Variants in NEB observed in about 807,000 individuals in gnomAD.
The protein encoded by NEB is nemaline myopathy type 2.
NEB carries 512 observed loss-of-function variants against 952.2 expected under a neutral mutation model. The observed-to-expected ratio is 0.54, with a 90% CI of 0.50 to 0.58. NEB has a LOEUF of 0.58. Ranked by LOEUF, NEB falls within the 20% of genes least tolerant of loss-of-function variation. The pLI, the probability that NEB is intolerant of heterozygous loss-of-function variation, is 0.00. For synonymous variants in NEB, 2,900 were observed against 3,149.8 expected (o/e 0.92, Z 2.66); for missense variants, 8,428 against 9,231.1 (o/e 0.91, Z 3.56).
chr2:151,695,393 G>A (rs2099588856), intron 18 of NEB, among the ~76,000 whole-genome samples, 185 bp downstream of exon 18: 1 of 152,162 alleles, frequency 6.6e-6, no homozygotes, highest in African/African-American at 2.4e-5. Context: ...TTACTTATAA[G>A]ATTGCTACAC....
Position 151,497,649 on chromosome 2 carries a change from G to C in NEB, c.24277C>G (p.His8093Asp). The change falls in exon 171 of 182, where the codon CAC (histidine) becomes GAC (aspartate). Residue 8093 changes from histidine to aspartate, a missense_variant. His to Asp is a moderately conservative substitution (Grantham distance 81, BLOSUM62 -1). Transcript: ENST00000397345. ...ACCGAGCTAATATTTTCTTGATTGT[G>C]TTTGACTCTTTCCATCTCGGGAGTG... Reference protein sequence around the residue: ...PVTPEMERVKHNQENISSVLY... With the variant: ...PVTPEMERVKDNQENISSVLY... 1 of 1,581,316 alleles carries C rather than the reference G, an allele frequency of 6.3e-7. No homozygotes were observed. Among genetic ancestry groups the C allele is most frequent in the South Asian group, 1.2e-5 (1 of 86,724 alleles).
chr2:151,661,871 C>A (rs938964869), intron 46 of NEB, among the ~76,000 whole-genome samples: 2 of 152,074 alleles, frequency 1.3e-5, no homozygotes, highest in Non-Finnish European at 2.9e-5. Context: ...AAACAGGACT[C>A]ATTTTCAAGA....
intron 38 of NEB, among the ~76,000 whole-genome samples, chr2:151,670,425 CCATACAGACGTGTCTCAGAATGAGA>C (rs59941666): frequency 0.17 from 26,081 of 150,296 alleles, 3,001 homozygotes; most frequent in East Asian, 0.43. Flanking sequence ...GAATAAGAGT[CCATACAGACGTGTCTCAGAATGAGA>C]CATACAGACG....
Position 151,569,307 on chromosome 2 carries a change from G to A in NEB, c.17496C>T (p.Ser5832=), listed in dbSNP as rs746291431. ...GIGWMPNDSV[S]VNHAKHAADI... ...CCGCGGCATGTTTGGCATGATTGAC[G>A]GACACGGAGTCATTTGGCATCCACC... The change falls in exon 110 of 182, where the codon TCC becomes TCT. Residue 5832 remains serine, a synonymous_variant. Transcript: ENST00000397345. The A allele has an allele frequency of 2.3e-5, 37 of 1,613,726 alleles. No homozygotes were observed. Among genetic ancestry groups the A allele is most frequent in the Admixed American group, 6.7e-5 (4 of 59,990 alleles).
At chr2:151,571,679 T>C (rs958257815) in intron 107 of NEB, among the ~76,000 whole-genome samples, 5 of 152,252 alleles carry the variant, frequency 3.3e-5, no homozygotes, top group African/African-American at 1.2e-4. Flanking sequence ...TAGTGACTGA[T>C]TTACAAGTAT....
chr2:151,531,042 G>C lies in NEB; in HGVS notation c.21582C>G (p.Asp7194Glu). 1.2e-6 allele frequency: 2 copies of C among 1,613,560 alleles called. No individual in the cohort carries two copies. The highest frequency in any genetic ancestry group is 1.7e-6 in the Non-Finnish European group (2 of 1,179,682). ...TGCGGACATGCAGCAACATGGGTGTGTCGTGGATTGTGGTGTAGCCTCTGG... is the reference window on the plus strand; with the variant it reads ...TGCGGACATGCAGCAACATGGGTGTCTCGTGGATTGTGGTGTAGCCTCTGG... ...AKPRGYTTIH[D>E]TPMLLHVRKV... The change falls in exon 145 of 182, where the codon GAC (aspartate) becomes GAG (glutamate). Residue 7194 changes from aspartate (D) to glutamate (E), a missense_variant. Coordinates refer to ENST00000397345, the MANE Select transcript of NEB (RefSeq NM_001164508.2).
chr2:151,710,558 A>G lies in NEB; in HGVS notation c.823-20T>C. 1 of 1,471,026 alleles carries G rather than the reference A, an allele frequency of 6.8e-7. No homozygotes were observed. Among genetic ancestry groups the G allele is most frequent in the Non-Finnish European group, 9.4e-7 (1 of 1,059,852 alleles). The allele number at this position is 1,471,026 out of a possible 1,614,324, so 91.1% of individuals were successfully genotyped here. Reference sequence around the variant, plus strand: ...TTTTTGCTAGAAAAAAGAAAAAGAAAATAAGACAAGCATAACTCATGAATT... The same window carrying G: ...TTTTTGCTAGAAAAAAGAAAAAGAAGATAAGACAAGCATAACTCATGAATT... On this transcript the variant is annotated intron_variant, in intron 10 of 181. Coordinates refer to ENST00000397345, the MANE Select transcript of NEB (RefSeq NM_001164508.2).
At chr2:151,659,557 T>G (rs2099123824) in intron 46 of NEB, among the ~76,000 whole-genome samples, 1 of 152,148 alleles carries the variant, frequency 6.6e-6, no homozygotes, top group Non-Finnish European at 1.5e-5. Flanking sequence ...TGCCTTCACC[T>G]TCCAAAGTGC....
Position 151,498,240 on chromosome 2 carries a change from C to T in NEB, c.24207+20G>A. The T allele has an allele frequency of 6.4e-7, 1 of 1,550,524 alleles. No individual in the cohort carries two copies. The highest frequency in any genetic ancestry group is 8.7e-7 in the Non-Finnish European group (1 of 1,146,154). On this transcript the variant is annotated intron_variant, in intron 170 of 181. Coordinates refer to ENST00000397345, the MANE Select transcript of NEB (RefSeq NM_001164508.2). ...ATTCTGAAGTTAAGTGGCATTTTTTCCCCTTTCTTTCCAAAATACCGAGCT... is the reference window on the plus strand; with the variant it reads ...ATTCTGAAGTTAAGTGGCATTTTTTTCCCTTTCTTTCCAAAATACCGAGCT...
At chr2:151,556,989 TAGA>T (rs1342279524) in intron 124 of NEB, among the ~76,000 whole-genome samples, 23 of 152,158 alleles carry the variant, frequency 1.5e-4, no homozygotes, top group Non-Finnish European at 3.1e-4. Context: ...ATTCAAAAGC[TAGA>T]AGAAGACAAG....
intron 38 of NEB, among the ~76,000 whole-genome samples, chr2:151,670,422 A>ACGT: frequency 7.0e-6 from 1 of 143,706 alleles, no homozygotes; most frequent in African/African-American, 2.8e-5. Context: ...AAAGAATAAG[A>ACGT]GTCCATACAG....
At chr2:151,577,135 T>C (rs1458338057) in intron 105 of NEB, among the ~76,000 whole-genome samples, 1 of 152,192 alleles carries the variant, frequency 6.6e-6, no homozygotes, top group Non-Finnish European at 1.5e-5. Flanking sequence ...GAATGATCTT[T>C]TCAAAATTCA....
chr2:151,499,484 G>T, intron 168 of NEB, 94 bp from the exon 169 acceptor site: 1 of 692,962 alleles, frequency 1.4e-6, no homozygotes, highest in Non-Finnish European at 2.6e-6. Context: ...AACTACAGAC[G>T]TCAGACAGAA....
At chr2:151,616,892 A>C (rs6720169) in intron 75 of NEB, among the ~76,000 whole-genome samples, 79,209 of 152,046 alleles carry the variant, frequency 0.52, 22,678 homozygotes, top group Admixed American at 0.67. Context: ...AATGATTCAT[A>C]TATGGACCTG....
At position 151,502,930 on chromosome 2, in the gene NEB, C is replaced by T. The variant is rs62167161; in HGVS notation, c.23836-45G>A. ...ACCCAGAGGACATTTAAAACAGGCA[C>T]AGAGAGTAAGGAAGGAAGGAAATGG... On this transcript the variant is annotated intron_variant, in intron 166 of 181. Transcript: ENST00000397345. 4.5e-3 allele frequency: 5,465 copies of T among 1,213,252 alleles called. 14 individuals carry two copies. Among genetic ancestry groups the T allele is most frequent in the Non-Finnish European group, 5.6e-3 (4,677 of 839,200 alleles). 75.2% of individuals were successfully genotyped at this position (1,213,252 alleles called of 1,614,324 possible).
rs1486641902 is a variant in NEB at position 151,610,143 on chromosome 2, G to T, written c.12019-23C>A. ...GTACTAAAATGCCAGAAATACAGGT[G>T]GAGACATCCAGTTTTAAAACCATGC... is the stretch of plus-strand genomic sequence containing the variant. On this transcript the variant is annotated intron_variant, in intron 80 of 181. Transcript: ENST00000397345. The T allele has an allele frequency of 2.5e-6, 4 of 1,573,198 alleles. 1 individual carries two copies. In the South Asian group the frequency reaches 4.7e-5, roughly 18 times the overall value.
chr2:151,630,836 G>A lies in NEB; in HGVS notation c.9619-17C>T. 1 of 1,544,192 alleles carries A rather than the reference G, an allele frequency of 6.5e-7. No individual in the cohort carries two copies. Among genetic ancestry groups the A allele is most frequent in the South Asian group, 1.2e-5 (1 of 82,570 alleles). On this transcript the variant is annotated splice_polypyrimidine_tract_variant and intron_variant, in intron 66 of 181. Coordinates refer to ENST00000397345, the MANE Select transcript of NEB (RefSeq NM_001164508.2). The stretch of plus-strand genomic sequence containing the variant: ...GTATAAACGCTATAAAAGAAGATAA[G>A]ATGCTGATTAAAAATCATTTGAAAT...
chr2:151,486,730 C>T (rs1343103985), intron 181 of NEB: 2 of 152,050 alleles, frequency 1.3e-5, no homozygotes, highest in African/African-American at 2.4e-5. Context: ...GGATGAACTT[C>T]AAAAGTAAAG....
intron 4 of NEB, 38 bp downstream of exon 4, chr2:151,729,577 T>C: frequency 6.2e-7 from 1 of 1,606,942 alleles, no homozygotes; most frequent in Non-Finnish European, 8.5e-7. Flanking sequence ...CCTGCTTTAA[T>C]GAGAATGCAG....
Sources: gnomAD v4.1 joint callset for allele counts (sites outside exome capture counted in the v4.1 genomes callset) on GRCh38, gnomAD v4.1.1 for gene constraint, MANE v1.5 for transcripts, NCBI Gene and HGNC (gene_info 2026-07-23, HGNC 2026-07-21) for gene names.